Variants in DISP1 observed in about 807,000 individuals in gnomAD.
DISP1 encodes the protein protein dispatched homolog 1.
In DISP1, 30 loss-of-function variants were observed where a neutral mutation model predicts 37.3. The ratio of observed to expected loss-of-function variants is 0.80; its 90% confidence interval spans 0.60 to 1.09. The LOEUF (loss-of-function observed/expected upper bound fraction) is 1.09, where lower values mean the gene tolerates loss of function less well. DISP1 is among the 50% of genes least tolerant of loss of function. The probability of loss-of-function intolerance (pLI) is 0.00; values close to 1 mark genes in which losing one functional copy is unlikely to be tolerated. For synonymous variants in DISP1, 634 were observed against 690.2 expected (o/e 0.92, Z 1.28); for missense variants, 1,598 against 1,879.5 (o/e 0.85, Z 2.77).
chr1:222,847,538 C>T (rs1667982496), intron 1 of DISP1, among the ~76,000 whole-genome samples: 1 of 152,120 alleles, frequency 6.6e-6, no homozygotes, highest in Non-Finnish European at 1.5e-5. Context: ...CTATATCAAA[C>T]CATCTTTATA....
chr1:222,875,723 A>G (rs989494982), intron 1 of DISP1, among the ~76,000 whole-genome samples: 1 of 149,736 alleles, frequency 6.7e-6, no homozygotes, highest in Non-Finnish European at 1.5e-5. Context: ...GCTACTTGGG[A>G]GGCTGAGGCA....
chr1:222,846,130 A>AT (rs368490630), intron 1 of DISP1, among the ~76,000 whole-genome samples: 2 of 152,180 alleles, frequency 1.3e-5, no homozygotes, highest in African/African-American at 2.4e-5. Context: ...TTGACTATGG[A>AT]TTTTTTTCTG....
At chr1:222,946,652 A>G (rs1674803273) in intron 3 of DISP1, among the ~76,000 whole-genome samples, 1 of 152,198 alleles carries the variant, frequency 6.6e-6, no homozygotes, top group Non-Finnish European at 1.5e-5. Flanking sequence ...ATAAACTAGT[A>G]GGAAGGGAGC....
intron 2 of DISP1, among the ~76,000 whole-genome samples, chr1:222,932,805 AGATCT>A (rs1377711800): frequency 6.6e-6 from 1 of 151,952 alleles, no homozygotes; most frequent in Non-Finnish European, 1.5e-5. Context: ...CCTGGAAAAG[AGATCT>A]CTGAAAAGTG....
intron 3 of DISP1, among the ~76,000 whole-genome samples, chr1:222,948,021 C>A (rs1304020106): frequency 6.6e-6 from 1 of 152,110 alleles, no homozygotes; most frequent in Non-Finnish European, 1.5e-5. Context: ...GAGTAAGAAT[C>A]ACAACTGATT....
intron 1 of DISP1, among the ~76,000 whole-genome samples, chr1:222,898,824 C>T (rs78734620): frequency 7.0e-4 from 106 of 152,238 alleles, no homozygotes; most frequent in African/African-American, 2.5e-3. Flanking sequence ...ATGTTACTTT[C>T]ATTGCCGTAT....
At position 223,005,191 on chromosome 1, in the gene DISP1, T is replaced by C; in HGVS notation, c.3794T>C (p.Phe1265Ser). 6.2e-7 allele frequency: 1 copy of C among 1,614,170 alleles called. No individual in the cohort carries two copies. Among genetic ancestry groups the C allele is most frequent in the East Asian group, 2.2e-5 (1 of 44,880 alleles). Reference protein sequence around the residue: ...PLEQHTVCHFFSLNQRCSCPD... With the variant: ...PLEQHTVCHFSSLNQRCSCPD... ...GAACAGCATACCGTGTGTCACTTCT[T>C]CTCTCTGAATCAGAGATGTAGCTGC... The change falls in exon 9 of 9, where the codon TTC becomes TCC. Residue 1265 changes from phenylalanine (F) to serine (S), a missense_variant. Coordinates refer to ENST00000675850, the MANE Select transcript of DISP1 (RefSeq NM_001377229.1).
At chr1:222,823,066 G>A (rs1663347785) in intron 1 of DISP1, among the ~76,000 whole-genome samples, 1 of 152,164 alleles carries the variant, frequency 6.6e-6, no homozygotes, top group Non-Finnish European at 1.5e-5. Context: ...GGGAACACTT[G>A]TACACTGTTG....
At chr1:222,821,133 G>A (rs1408091990) in intron 1 of DISP1, among the ~76,000 whole-genome samples, 1 of 152,074 alleles carries the variant, frequency 6.6e-6, no homozygotes, top group African/African-American at 2.4e-5. Context: ...AATGAACAAT[G>A]CACCTTTTGG....
chr1:222,912,810 T>G (rs1022506540), intron 1 of DISP1, among the ~76,000 whole-genome samples: 20 of 152,212 alleles, frequency 1.3e-4, no homozygotes, highest in Non-Finnish European at 2.5e-4. Context: ...TAAACTTTTG[T>G]TGAACTTATT....
intron 1 of DISP1, among the ~76,000 whole-genome samples, chr1:222,819,719 T>G (rs1239406054): frequency 6.6e-6 from 1 of 152,020 alleles, no homozygotes; most frequent in Non-Finnish European, 1.5e-5. Flanking sequence ...TTTTGTGTTT[T>G]TAGCAGGGAC....
rs2102796112 is a variant in DISP1 at position 223,002,683 on chromosome 1, A to G, written c.1286A>G (p.His429Arg). 1 of 1,614,124 alleles carries G rather than the reference A, an allele frequency of 6.2e-7. No homozygotes were observed. Among genetic ancestry groups the G allele is most frequent in the Non-Finnish European group, 8.5e-7 (1 of 1,180,034 alleles). The change falls in exon 9 of 9, where the codon CAT becomes CGT. Residue 429 changes from histidine to arginine, a missense_variant. Physicochemically the swap from His to Arg is conservative, Grantham distance 29 (BLOSUM62 0). Transcript: ENST00000675850. ...TACAATGCTGTGTACCAGATCCTCCATTACTTGGTGGACAAAGACTTTATG... is the reference window on the plus strand; with the variant it reads ...TACAATGCTGTGTACCAGATCCTCCGTTACTTGGTGGACAAAGACTTTATG... ...TKYNAVYQILHYLVDKDFMTP... is the reference protein window; with the variant it reads ...TKYNAVYQILRYLVDKDFMTP...
At chr1:222,820,811 T>C (rs952903513) in intron 1 of DISP1, among the ~76,000 whole-genome samples, 2 of 152,190 alleles carry the variant, frequency 1.3e-5, no homozygotes, top group African/African-American at 4.8e-5. Flanking sequence ...GCCTGCCACA[T>C]AGTACTCAAG....
At chr1:222,948,628 A>G (rs1250912460) in intron 3 of DISP1, among the ~76,000 whole-genome samples, 1 of 152,190 alleles carries the variant, frequency 6.6e-6, no homozygotes, top group Admixed American at 6.5e-5. Context: ...GTTTATTGCT[A>G]TGTAATTTTT....
chr1:222,995,039 C>A, intron 8 of DISP1, 57 bp downstream of exon 8: 1 of 1,342,374 alleles, frequency 7.4e-7, no homozygotes, highest in South Asian at 1.2e-5. Flanking sequence ...ATTATTGAAA[C>A]TCCTTTTACT....
chr1:222,879,746 G>C (rs182912530), intron 1 of DISP1, among the ~76,000 whole-genome samples: 178 of 152,030 alleles, frequency 1.2e-3, no homozygotes, highest in African/African-American at 4.2e-3. Context: ...GGGCAAAAAG[G>C]CAATTCACTC....
rs140134207 is a variant in DISP1 at position 222,929,981 on chromosome 1, G to A, written c.-18+1411G>A. Among the ~76,000 whole-genome samples, 223 of 152,218 alleles carry A rather than the reference G, an allele frequency of 1.5e-3. 2 individuals are homozygous for A. The highest frequency in any genetic ancestry group is 5.2e-3 in the African/African-American group (215 of 41,546). ...ATTTGCATTGATTATGAAAAAATGTGTAATGTTTTAAGTGTCTGAAATGAT... is the reference window on the plus strand; with the variant it reads ...ATTTGCATTGATTATGAAAAAATGTATAATGTTTTAAGTGTCTGAAATGAT... On this transcript the variant is annotated intron_variant, in intron 2 of 8. Coordinates refer to ENST00000675850, the MANE Select transcript of DISP1 (RefSeq NM_001377229.1).
At chr1:222,830,604 A>T (rs1314065853) in intron 1 of DISP1, among the ~76,000 whole-genome samples, 2 of 151,388 alleles carry the variant, frequency 1.3e-5, no homozygotes. Flanking sequence ...CTGGTCTCGA[A>T]CTCCTGACTT....
chr1:222,989,312 G>A (rs964943827), intron 4 of DISP1: 50 of 941,592 alleles, frequency 5.3e-5, no homozygotes, highest in Admixed American at 6.2e-5. Context: ...TGAGAGTAGT[G>A]GTCCACAAGT....
Sources: gnomAD v4.1 joint callset for allele counts (sites outside exome capture counted in the v4.1 genomes callset) on GRCh38, gnomAD v4.1.1 for gene constraint, MANE v1.5 for transcripts, NCBI Gene and HGNC (gene_info 2026-07-23, HGNC 2026-07-21) for gene names.